Variants in ACER3 observed in about 807,000 individuals in gnomAD.
ACER3 encodes alkCDase 3.
A neutral mutation model predicts 48.9 loss-of-function variants in ACER3; 16 were observed. The observed-to-expected ratio is 0.33, with a 90% CI of 0.22 to 0.50. The LOEUF is 0.50. Among genes scored for constraint, ACER3 ranks in the 20% least tolerant of loss-of-function variants. The pLI is 0.98. For synonymous variants in ACER3, 109 were observed against 107.8 expected (o/e 1.01, Z -0.07); for missense variants, 227 against 326.0 (o/e 0.70, Z 2.34).
At chr11:76,970,477 C>G (rs184393400) in intron 3 of ACER3, among the ~76,000 whole-genome samples, 1 of 152,150 alleles carries the variant, frequency 6.6e-6, no homozygotes, top group East Asian at 1.9e-4. Context: ...AATTCAAAGA[C>G]TGATGAAGTG....
intron 2 of ACER3, among the ~76,000 whole-genome samples, chr11:76,949,749 T>C (rs56789915): frequency 0.4 from 60,761 of 152,080 alleles, 14,871 homozygotes; most frequent in Non-Finnish European, 0.56. Flanking sequence ...ATGAAAACTG[T>C]TCTATGGTGC....
At chr11:76,926,041 C>T (rs766669148) in intron 1 of ACER3, among the ~76,000 whole-genome samples, 2 of 152,130 alleles carry the variant, frequency 1.3e-5, no homozygotes, top group Non-Finnish European at 2.9e-5. Flanking sequence ...ATTAATTAGG[C>T]CTTCTATGTT....
rs776671988 is a variant in ACER3, at chr11:76,985,631, CT to C, written c.321-5del. On this transcript the variant is annotated splice_polypyrimidine_tract_variant and intron_variant, in intron 4 of 10. Transcript: ENST00000532485. ...TATTCTTTTAAAAGTTTCTTTCTCT[CT>C]TTTTTTCAAGGTTTGAATGTTTCAA... 11 of 1,537,346 alleles carry C rather than the reference CT, an allele frequency of 7.2e-6. No individual in the cohort carries two copies. Among genetic ancestry groups the C allele is most frequent in the South Asian group, 2.5e-5 (2 of 81,058 alleles).
chr11:76,892,177 A>T (rs763670009), intron 1 of ACER3, among the ~76,000 whole-genome samples: 15 of 152,174 alleles, frequency 9.9e-5, no homozygotes, highest in Non-Finnish European at 1.9e-4. Context: ...TAGAATGAGA[A>T]TGATATCACC....
At chr11:76,920,634 CTTT>C (rs11320505) in intron 1 of ACER3, among the ~76,000 whole-genome samples, 13 of 132,824 alleles carry the variant, frequency 9.8e-5, no homozygotes, top group Non-Finnish European at 1.3e-4. Flanking sequence ...GAACTCTTGA[CTTT>C]TTTTTTTTTT....
chr11:76,989,028 T>C (rs1948741610), intron 5 of ACER3, among the ~76,000 whole-genome samples: 2 of 89,624 alleles, frequency 2.2e-5, no homozygotes, highest in African/African-American at 5.2e-5. Context: ...TCCATAATTA[T>C]TTGCTTTAAA....
chr11:76,933,904 G>C (rs1359412446), intron 2 of ACER3, among the ~76,000 whole-genome samples: 1 of 149,514 alleles, frequency 6.7e-6, no homozygotes, highest in African/African-American at 2.5e-5. Flanking sequence ...GGCGGCTGCC[G>C]GGCGGAGGGT....
At chr11:76,959,434 C>A (rs756762641) in intron 3 of ACER3, among the ~76,000 whole-genome samples, 3 of 152,188 alleles carry the variant, frequency 2.0e-5, no homozygotes, top group Non-Finnish European at 4.4e-5. Flanking sequence ...GACTTTAAAG[C>A]AAGCTTGTCC....
At chr11:76,957,126 T>G (rs1268582509) in intron 2 of ACER3, among the ~76,000 whole-genome samples, 2 of 152,358 alleles carry the variant, frequency 1.3e-5, no homozygotes, top group East Asian at 3.9e-4. Context: ...TATGTCCATG[T>G]GCAGGCACCT....
At chr11:76,880,662 G>A (rs1590873809) in intron 1 of ACER3, among the ~76,000 whole-genome samples, 1 of 152,190 alleles carries the variant, frequency 6.6e-6, no homozygotes, top group Non-Finnish European at 1.5e-5. Context: ...TGAAATGGGG[G>A]TCTTGTGATC....
At chr11:76,912,683 C>T (rs148315307) in intron 1 of ACER3, among the ~76,000 whole-genome samples, 128 of 148,190 alleles carry the variant, frequency 8.6e-4, no homozygotes, top group African/African-American at 2.8e-3. Flanking sequence ...GCAGCGCAGT[C>T]GTCAGAAAAA....
chr11:76,879,706 CTGAT>C (rs1261663496), intron 1 of ACER3, among the ~76,000 whole-genome samples: 1 of 152,078 alleles, frequency 6.6e-6, no homozygotes, highest in Non-Finnish European at 1.5e-5. Flanking sequence ...GTTAATATGA[CTGAT>C]TAATTGATTG....
intron 2 of ACER3, among the ~76,000 whole-genome samples, chr11:76,930,690 A>G (rs1946974631): frequency 1.3e-5 from 2 of 152,204 alleles, no homozygotes; most frequent in South Asian, 4.1e-4. Context: ...GTTTCAAAGA[A>G]CGTCTGTATT....
At chr11:76,906,222 A>G (rs1946229505) in intron 1 of ACER3, among the ~76,000 whole-genome samples, 1 of 152,216 alleles carries the variant, frequency 6.6e-6, no homozygotes, top group African/African-American at 2.4e-5. Flanking sequence ...GAAAGGCCAC[A>G]AGATTAGGAT....
intron 3 of ACER3, among the ~76,000 whole-genome samples, chr11:76,972,478 A>G (rs1948330232): frequency 6.6e-6 from 1 of 152,188 alleles, no homozygotes; most frequent in African/African-American, 2.4e-5. Flanking sequence ...TTCTTTCTAT[A>G]TTCTAGATAC....
chr11:77,001,377 T>A (rs1283913353), intron 7 of ACER3, among the ~76,000 whole-genome samples: 1 of 152,144 alleles, frequency 6.6e-6, no homozygotes, highest in Non-Finnish European at 1.5e-5. Flanking sequence ...TGCCTCAGCC[T>A]CCCCAGTAGC....
intron 1 of ACER3, among the ~76,000 whole-genome samples, chr11:76,888,994 G>A (rs143322491): frequency 6.6e-6 from 1 of 152,288 alleles, no homozygotes; most frequent in East Asian, 1.9e-4. Flanking sequence ...CCTGTAACCA[G>A]GTCAATAAAG....
chr11:76,940,256 T>C (rs534557384), intron 2 of ACER3, among the ~76,000 whole-genome samples: 2 of 152,254 alleles, frequency 1.3e-5, no homozygotes, highest in South Asian at 2.1e-4. Flanking sequence ...AGTGCTAGGA[T>C]TACAGGCATG....
At chr11:76,941,653 A>G (rs1005454425) in intron 2 of ACER3, among the ~76,000 whole-genome samples, 1 of 151,772 alleles carries the variant, frequency 6.6e-6, no homozygotes, top group Non-Finnish European at 1.5e-5. Flanking sequence ...TTTTGGTTTC[A>G]TATGAACCTT....
Sources: allele counts gnomAD v4.1 joint callset (sites outside exome capture counted in the v4.1 genomes callset), GRCh38; gene constraint gnomAD v4.1.1; transcripts MANE v1.5; gene names NCBI Gene and HGNC (gene_info 2026-07-23, HGNC 2026-07-21).